ADAMTS12: variants seen among roughly 807,000 people sequenced by gnomAD.
The protein encoded by ADAMTS12 is A disintegrin and metalloproteinase with thrombospondin motifs 12.
Under a neutral mutation model 167.8 loss-of-function variants are expected in ADAMTS12, and 118 were observed. The ratio of observed to expected loss-of-function variants is 0.70; its 90% CI spans 0.61 to 0.82. The LOEUF (loss-of-function observed/expected upper bound fraction) is 0.82, where lower values mean the gene tolerates loss of function less well. Among genes scored for constraint, ADAMTS12 ranks in the 40% least tolerant of loss-of-function variants. ADAMTS12 has a pLI of 0.00. For missense variants in ADAMTS12, 1,916 were observed against 1,998.8 expected, an observed-to-expected ratio of 0.96 and a Z score of 0.79; for synonymous variants, 704 against 716.9, an observed-to-expected ratio of 0.98 and a Z score of 0.29.
At chr5:33,776,996 C>A (rs1416856435) in intron 2 of ADAMTS12, among the ~76,000 whole-genome samples, 1 of 152,074 alleles carries the variant, frequency 6.6e-6, no homozygotes, top group African/African-American at 2.4e-5. Context: ...AAAATCTGAA[C>A]AGACCAGTAG....
intron 20 of ADAMTS12, among the ~76,000 whole-genome samples, chr5:33,552,246 A>G (rs1745279465): frequency 6.6e-6 from 1 of 152,252 alleles, no homozygotes; most frequent in Non-Finnish European, 1.5e-5. Flanking sequence ...TCTACAGAGT[A>G]TTCAGAGAAG....
At chr5:33,570,582 A>G (rs1363205189) in intron 19 of ADAMTS12, among the ~76,000 whole-genome samples, 2 of 152,238 alleles carry the variant, frequency 1.3e-5, no homozygotes, top group African/African-American at 2.4e-5. Flanking sequence ...GCCCTAAAAG[A>G]GCTCCTGAAG....
intron 16 of ADAMTS12, among the ~76,000 whole-genome samples, chr5:33,609,660 C>T (rs1332156918): frequency 6.6e-6 from 1 of 152,076 alleles, no homozygotes; most frequent in African/African-American, 2.4e-5. Context: ...ATGAGTTCTG[C>T]TTAATGTAAA....
chr5:33,787,007 T>G (rs548723303), intron 2 of ADAMTS12, among the ~76,000 whole-genome samples: 1 of 133,942 alleles, frequency 7.5e-6, no homozygotes, highest in Admixed American at 7.1e-5. Flanking sequence ...GTTCTACATA[T>G]TAGTCATGAA....
chr5:33,718,742 A>G (rs1436839728), intron 3 of ADAMTS12, among the ~76,000 whole-genome samples: 1 of 152,210 alleles, frequency 6.6e-6, no homozygotes, highest in Non-Finnish European at 1.5e-5. Flanking sequence ...ACTGGTCACC[A>G]TACTTGATTC....
intron 19 of ADAMTS12, among the ~76,000 whole-genome samples, chr5:33,570,396 T>C (rs902842501): frequency 3.3e-5 from 5 of 152,152 alleles, no homozygotes; most frequent in Non-Finnish European, 7.4e-5. Context: ...ACAGTGGATC[T>C]CTCGGCAGAA....
At chr5:33,801,398 G>A (rs749634220) in intron 2 of ADAMTS12, among the ~76,000 whole-genome samples, 10 of 152,176 alleles carry the variant, frequency 6.6e-5, no homozygotes, top group Non-Finnish European at 1.2e-4. Flanking sequence ...TCATAACTGA[G>A]TAAATCAGCC....
chr5:33,616,142 C>A lies in ADAMTS12; in HGVS notation c.2144-70G>T, dbSNP rs115174374. On this transcript the variant is annotated intron_variant, in intron 14 of 23. Coordinates refer to ENST00000504830, the MANE Select transcript of ADAMTS12 (RefSeq NM_030955.4). ...CAGCTGAATGCAATCTGTTTGTGAC[C>A]CACTGTTAATCCTCTTTCCAGCCTC... The A allele has an allele frequency of 7.1e-5, 112 of 1,571,006 alleles. No homozygotes were observed. The African/African-American group carries it at 1.3e-3, about 18-fold the overall frequency.
intron 2 of ADAMTS12, among the ~76,000 whole-genome samples, chr5:33,774,410 T>C (rs1183771612): frequency 6.6e-6 from 1 of 152,106 alleles, no homozygotes; most frequent in Non-Finnish European, 1.5e-5. Context: ...TTTCTAAGCA[T>C]GATTGTACAT....
At chr5:33,669,703 T>A (rs11956568) in intron 5 of ADAMTS12, among the ~76,000 whole-genome samples, 1 of 151,878 alleles carries the variant, frequency 6.6e-6, no homozygotes, top group African/African-American at 2.4e-5. Flanking sequence ...GTGAAAAATT[T>A]AAATCCAGAT....
chr5:33,713,626 T>G (rs1316089417), intron 3 of ADAMTS12, among the ~76,000 whole-genome samples: 1 of 151,526 alleles, frequency 6.6e-6, no homozygotes, highest in African/African-American at 2.4e-5. Flanking sequence ...ATGACTTAAA[T>G]CAGGAGATGA....
intron 11 of ADAMTS12, 95 bp from the exon 12 acceptor site, chr5:33,637,841 T>A: frequency 7.5e-7 from 1 of 1,324,942 alleles, no homozygotes; most frequent in Non-Finnish European, 1.0e-6. Flanking sequence ...ACAAATGATG[T>A]CTCTCTATGC....
rs1414832881 is a variant in ADAMTS12, at chr5:33,524,719, GC to G, written c.*2468del. On this transcript the variant is annotated 3_prime_UTR_variant, in exon 24 of 24. Transcript: ENST00000504830. ...GATGATACCAACAGGACAGAAAACA[GC>G]AAGCCCTGTCTTCATTCTGGAGTCA... is the stretch of plus-strand genomic sequence containing the variant. The G allele has an allele frequency of 6.6e-6, 1 of 152,216 alleles. No individual in the cohort carries two copies. The highest frequency in any genetic ancestry group is 1.5e-5 in the Non-Finnish European group (1 of 68,048). 9.4% of individuals were successfully genotyped at this position (152,216 alleles called of 1,614,324 possible).
intron 3 of ADAMTS12, among the ~76,000 whole-genome samples, chr5:33,695,395 C>G (rs552673923): frequency 4.6e-5 from 7 of 151,898 alleles, no homozygotes; most frequent in African/African-American, 1.7e-4. Flanking sequence ...TAAATAGAGA[C>G]AGAGAGAGAG....
At chr5:33,843,516 G>A (rs75771113) in intron 2 of ADAMTS12, among the ~76,000 whole-genome samples, 1 of 152,282 alleles carries the variant, frequency 6.6e-6, no homozygotes, top group East Asian at 1.9e-4. Context: ...ATGGAGATGG[G>A]ATATTAATCA....
chr5:33,874,822 C>G (rs1420603260), intron 2 of ADAMTS12, among the ~76,000 whole-genome samples: 1 of 152,162 alleles, frequency 6.6e-6, no homozygotes, highest in East Asian at 1.9e-4. Context: ...GTAATCCCAG[C>G]ACTTTGGGAG....
intron 2 of ADAMTS12, among the ~76,000 whole-genome samples, chr5:33,860,502 T>C (rs751976213): frequency 1.3e-5 from 2 of 151,982 alleles, no homozygotes; most frequent in African/African-American, 2.4e-5. Flanking sequence ...CTCCAAGAAA[T>C]ATGAGACTAT....
chr5:33,701,024 G>T (rs1475692417), intron 3 of ADAMTS12, among the ~76,000 whole-genome samples: 1 of 152,124 alleles, frequency 6.6e-6, no homozygotes, highest in Non-Finnish European at 1.5e-5. Context: ...TTCTTGAGTG[G>T]ACTTAGCACC....
intron 23 of ADAMTS12, among the ~76,000 whole-genome samples, chr5:33,533,831 A>G (rs1744239519): frequency 6.6e-6 from 1 of 152,020 alleles, no homozygotes; most frequent in African/African-American, 2.4e-5. Context: ...AGAACTCACT[A>G]TCTTCCCTCT....
Sources: gnomAD v4.1 joint callset for allele counts (sites outside exome capture counted in the v4.1 genomes callset) on GRCh38, gnomAD v4.1.1 for gene constraint, MANE v1.5 for transcripts, NCBI Gene and HGNC (gene_info 2026-07-23, HGNC 2026-07-21) for gene names.